The following SCAI variants were observed in gnomAD, a reference collection of about 807,000 sequenced individuals.
SCAI encodes suppressor of cancer cell invasion.
Under a neutral mutation model 92.2 loss-of-function variants are expected in SCAI, and 24 were observed. That is an observed-to-expected ratio of 0.26 (90% CI 0.19 to 0.37). The LOEUF (loss-of-function observed/expected upper bound fraction) is 0.37, where lower values mean the gene tolerates loss of function less well. Among genes scored for constraint, SCAI ranks in the 10% least tolerant of loss-of-function variants. The pLI is 1.00. For synonymous variants in SCAI, 261 were observed against 258.6 expected (o/e 1.01, Z -0.09); for missense variants, 450 against 736.2 (o/e 0.61, Z 4.50).
chr9:125,011,543 A>G (rs1832640122), intron 9 of SCAI, among the ~76,000 whole-genome samples: 1 of 152,256 alleles, frequency 6.6e-6, no homozygotes, highest in Non-Finnish European at 1.5e-5. Context: ...TGAAAAGACC[A>G]AATCTACGTC....
At chr9:125,055,069 C>A (rs961831293) in intron 3 of SCAI, among the ~76,000 whole-genome samples, 2 of 151,958 alleles carry the variant, frequency 1.3e-5, no homozygotes, top group Admixed American at 6.6e-5. Flanking sequence ...TAAAAATAAA[C>A]CCTGCCAGTA....
At chr9:124,972,001 C>T (rs896155319) in intron 15 of SCAI, among the ~76,000 whole-genome samples, 157 bp from the exon 16 acceptor site, 1 of 152,174 alleles carries the variant, frequency 6.6e-6, no homozygotes, top group African/African-American at 2.4e-5. Context: ...ACTACAAAAA[C>T]TTTGCTATGT....
In SCAI at chr9:124,999,993, A is replaced by AT. The variant is rs1832323078; in HGVS notation, c.1145-4dup. On this transcript the variant is annotated splice_region_variant and splice_polypyrimidine_tract_variant and intron_variant, in intron 12 of 17. Transcript: ENST00000336505. ...TACACCTCCAAAATCATAAGGACCT[A>AT]TAAAAACAAAGGGAAGAATCCTAGA... The AT allele has an allele frequency of 9.0e-6, 13 of 1,452,412 alleles. No individual in the cohort carries two copies. Among genetic ancestry groups the AT allele is most frequent in the Non-Finnish European group, 1.2e-5 (13 of 1,054,636 alleles). 90.0% of individuals were successfully genotyped at this position (1,452,412 alleles called of 1,614,324 possible). A position where few individuals can be genotyped will look rare whatever the true frequency, so the allele number is the denominator to read the frequency against.
chr9:125,104,603 T>TA (rs34277435), intron 2 of SCAI, among the ~76,000 whole-genome samples: 8,676 of 130,358 alleles, frequency 0.067, 419 homozygotes, highest in African/African-American at 0.14. Context: ...TGTTTTACTT[T>TA]AAAAAAAAAA....
chr9:125,129,454 C>CTTTT (rs1171739834), intron 2 of SCAI, among the ~76,000 whole-genome samples: 3 of 67,558 alleles, frequency 4.4e-5, no homozygotes, highest in African/African-American at 6.7e-5. Context: ...ATTAGAATTT[C>CTTTT]TTTTTTTTTT....
At chr9:125,025,082 C>T (rs1832942105) in intron 6 of SCAI, among the ~76,000 whole-genome samples, 1 of 152,194 alleles carries the variant, frequency 6.6e-6, no homozygotes, top group South Asian at 2.1e-4. Context: ...TCTCTCCTGG[C>T]TCTTGATTTT....
At chr9:125,129,434 GA>G (rs1484686759) in intron 2 of SCAI, among the ~76,000 whole-genome samples, 2 of 142,488 alleles carry the variant, frequency 1.4e-5, no homozygotes, top group African/African-American at 5.1e-5. Context: ...TAAAAAGAAG[GA>G]ATGAAAGAAT....
intron 2 of SCAI, among the ~76,000 whole-genome samples, chr9:125,102,111 A>G (rs1185282067): frequency 6.6e-6 from 1 of 152,178 alleles, no homozygotes; most frequent in Non-Finnish European, 1.5e-5. Flanking sequence ...CACACTAGAC[A>G]CCAGTAACAC....
intron 9 of SCAI, among the ~76,000 whole-genome samples, chr9:125,004,610 T>C (rs1050273354): frequency 2.0e-5 from 3 of 150,704 alleles, no homozygotes; most frequent in African/African-American, 7.3e-5. Flanking sequence ...AATACAGGCA[T>C]AAGCCACGAT....
chr9:125,074,784 C>G (rs1834053572), intron 2 of SCAI, among the ~76,000 whole-genome samples: 1 of 151,754 alleles, frequency 6.6e-6, no homozygotes, highest in Admixed American at 6.6e-5. Context: ...GTGGGCAGAT[C>G]ACCCGAAGTC....
At chr9:125,072,996 T>C (rs1464221253) in intron 2 of SCAI, among the ~76,000 whole-genome samples, 1 of 151,634 alleles carries the variant, frequency 6.6e-6, no homozygotes, top group African/African-American at 2.4e-5. Flanking sequence ...GCTATGAACA[T>C]GGGTATACAA....
chr9:125,085,711 G>A (rs1191066154), intron 2 of SCAI, among the ~76,000 whole-genome samples: 1 of 152,148 alleles, frequency 6.6e-6, no homozygotes, highest in Non-Finnish European at 1.5e-5. Context: ...AGCTCAGGAG[G>A]CTGAGAATGC....
At chr9:125,004,286 G>A (rs1448134766) in intron 9 of SCAI, among the ~76,000 whole-genome samples, 1 of 151,824 alleles carries the variant, frequency 6.6e-6, no homozygotes, top group East Asian at 1.9e-4. Flanking sequence ...CTATGTGAGG[G>A]GCAAGTTTTT....
At chr9:125,004,329 C>CT (rs563470435) in intron 9 of SCAI, among the ~76,000 whole-genome samples, 6,214 of 134,350 alleles carry the variant, frequency 0.046, 422 homozygotes, top group African/African-American at 0.15. Context: ...AGCCCAAATT[C>CT]TTTTTTTTTT....
At chr9:125,108,791 C>A (rs1349095886) in intron 2 of SCAI, among the ~76,000 whole-genome samples, 8 of 151,928 alleles carry the variant, frequency 5.3e-5, no homozygotes, top group Non-Finnish European at 1.2e-4. Context: ...GGCGCCTCTG[C>A]CCGGCCGCCC....
At chr9:125,141,365 G>A (rs1835661946) in intron 2 of SCAI, among the ~76,000 whole-genome samples, 1 of 152,162 alleles carries the variant, frequency 6.6e-6, no homozygotes, top group African/African-American at 2.4e-5. Context: ...TATTAACTAT[G>A]AAAGTAGTCC....
chr9:125,088,512 G>T (rs1275700968), intron 2 of SCAI, among the ~76,000 whole-genome samples: 2 of 152,126 alleles, frequency 1.3e-5, no homozygotes, highest in Non-Finnish European at 2.9e-5. Context: ...GTTTCCTGAG[G>T]CCTACTCAGC....
At chr9:124,992,873 C>G (rs745389239) in intron 14 of SCAI, among the ~76,000 whole-genome samples, 1 of 152,100 alleles carries the variant, frequency 6.6e-6, no homozygotes, top group Non-Finnish European at 1.5e-5. Flanking sequence ...AATACATTTC[C>G]AATTATACAC....
intron 14 of SCAI, among the ~76,000 whole-genome samples, chr9:124,986,917 A>C (rs1310934997): frequency 3.9e-5 from 6 of 152,234 alleles, no homozygotes; most frequent in South Asian, 4.1e-4. Context: ...GTTTTGACAA[A>C]TCTGTAAGTC....
Sources: gnomAD v4.1 joint callset for allele counts (sites outside exome capture counted in the v4.1 genomes callset) on GRCh38, gnomAD v4.1.1 for gene constraint, MANE v1.5 for transcripts, NCBI Gene and HGNC (gene_info 2026-07-23, HGNC 2026-07-21) for gene names.